Variants in RBFOX1 observed in about 807,000 individuals in gnomAD.
RBFOX1 encodes RNA binding protein fox-1 homolog 1.
A neutral mutation model predicts 57.7 loss-of-function variants in RBFOX1; 8 were observed. The observed-to-expected ratio is 0.14, with a 90% CI of 0.08 to 0.25. The LOEUF (loss-of-function observed/expected upper bound fraction) is 0.25, where lower values mean the gene tolerates loss of function less well. RBFOX1 is among the 10% of genes least tolerant of loss of function. The pLI is 1.00. For synonymous variants in RBFOX1, 326 were observed against 222.4 expected (o/e 1.47, Z -4.15); for missense variants, 611 against 548.5 (o/e 1.11, Z -1.14).
At chr16:7,502,309 C>T (rs1040342341) in intron 4 of RBFOX1, among the ~76,000 whole-genome samples, 3 of 152,338 alleles carry the variant, frequency 2.0e-5, no homozygotes, top group Admixed American at 2.0e-4. Flanking sequence ...GATACATGGA[C>T]AAGCACCTGC....
At chr16:7,486,380 T>G (rs2065400256) in intron 4 of RBFOX1, among the ~76,000 whole-genome samples, 1 of 151,948 alleles carries the variant, frequency 6.6e-6, no homozygotes, top group Admixed American at 6.6e-5. Flanking sequence ...TGATCCACCC[T>G]GTCCCCCGGC....
chr16:5,532,425 G>T lies in RBFOX1; in HGVS notation c.258+65171G>T, dbSNP rs2151037233. Among the ~76,000 whole-genome samples, 5 of 152,320 alleles carry T rather than the reference G, an allele frequency of 3.3e-5. No homozygotes were observed. In the South Asian group the frequency reaches 1.0e-3, roughly 32 times the overall value. Reference sequence around the variant, plus strand: ...AGTTTCTTAGAGATGCAGAATCTCAGGCCCTGACCCGGACTCACTGATCTG... The same window carrying T: ...AGTTTCTTAGAGATGCAGAATCTCATGCCCTGACCCGGACTCACTGATCTG... On this transcript the variant is annotated intron_variant, in intron 2 of 2. Coordinates refer to the RBFOX1 transcript ENST00000585867.
At chr16:6,049,836 T>G (rs1033199491) in intron 1 of RBFOX1, among the ~76,000 whole-genome samples, 3 of 152,152 alleles carry the variant, frequency 2.0e-5, no homozygotes, top group African/African-American at 7.2e-5. Context: ...GTACACTTCC[T>G]ATGATTGATT....
chr16:6,821,926 C>G (rs1005864284), intron 3 of RBFOX1, among the ~76,000 whole-genome samples: 3 of 152,100 alleles, frequency 2.0e-5, no homozygotes, highest in South Asian at 2.1e-4. Flanking sequence ...TGAGGAAACT[C>G]TGTTTTTCAC....
intron 1 of RBFOX1, among the ~76,000 whole-genome samples, chr16:6,128,336 G>C (rs1308468577): frequency 1.3e-5 from 2 of 152,058 alleles, no homozygotes; most frequent in African/African-American, 4.8e-5. Context: ...ATTACTCTAA[G>C]AAGACTTCTG....
chr16:6,827,388 T>A (rs1376890225), intron 3 of RBFOX1, among the ~76,000 whole-genome samples: 2 of 152,102 alleles, frequency 1.3e-5, no homozygotes, highest in East Asian at 3.9e-4. Context: ...GACCCAGCAT[T>A]ATCGCTGGAG....
chr16:7,181,041 C>G (rs1324053763), intron 4 of RBFOX1, among the ~76,000 whole-genome samples: 3 of 152,160 alleles, frequency 2.0e-5, no homozygotes, highest in Admixed American at 6.6e-5. Flanking sequence ...TGTTTTTAAC[C>G]ACAGTCAGCG....
chr16:6,299,639 A>G (rs953488950), intron 1 of RBFOX1, among the ~76,000 whole-genome samples: 3 of 152,202 alleles, frequency 2.0e-5, no homozygotes, highest in Non-Finnish European at 4.4e-5. Flanking sequence ...TATGGTCAGA[A>G]CAAGTCATTC....
At chr16:5,855,014 G>A (rs942269602) in intron 3 of RBFOX1, among the ~76,000 whole-genome samples, 3 of 152,094 alleles carry the variant, frequency 2.0e-5, no homozygotes, top group Admixed American at 6.5e-5. Context: ...TTGCCCATTT[G>A]TACATCTTCT....
At chr16:7,398,643 C>T (rs2098182592) in intron 4 of RBFOX1, among the ~76,000 whole-genome samples, 1 of 152,190 alleles carries the variant, frequency 6.6e-6, no homozygotes, top group South Asian at 2.1e-4. Flanking sequence ...AGGAGACTGC[C>T]AGAGAGGCAA....
intron 1 of RBFOX1, 105 bp from the exon 2 acceptor site, chr16:6,316,890 A>G: frequency 1.3e-6 from 1 of 783,392 alleles, no homozygotes; most frequent in South Asian, 1.8e-5. Flanking sequence ...ATATAGTCAG[A>G]ACCTATTTTG....
intron 1 of RBFOX1, among the ~76,000 whole-genome samples, chr16:5,466,183 G>C (rs2068947808): frequency 6.6e-6 from 1 of 152,254 alleles, no homozygotes; most frequent in Admixed American, 6.5e-5. Context: ...GAAAGAAAGA[G>C]AAGGTGTTCT....
chr16:5,511,821 G>T (rs2043603513), intron 2 of RBFOX1, among the ~76,000 whole-genome samples: 1 of 152,202 alleles, frequency 6.6e-6, no homozygotes, highest in Admixed American at 6.5e-5. Context: ...CAGAATTGCA[G>T]AGTAGGGGAG....
Position 5,981,025 on chromosome 16 carries a change from C to T in RBFOX1, c.351+113690C>T, listed in dbSNP as rs561712674. Among the ~76,000 whole-genome samples the T allele has an allele frequency of 4.6e-5, 7 of 152,296 alleles. No individual in the cohort carries two copies. The South Asian group carries it at 8.3e-4, about 18-fold the overall frequency. On this transcript the variant is annotated intron_variant, in intron 4 of 19. Transcript: ENST00000641259. ...CCTCCCTGGGAGCTCACGGAAAATG[C>T]GCATCAGACTCCACCCCAGGCTACG...
intron 11 of RBFOX1, among the ~76,000 whole-genome samples, chr16:7,637,622 G>C (rs866969401): frequency 1.1e-4 from 16 of 152,232 alleles, no homozygotes; most frequent in Non-Finnish European, 1.6e-4. Flanking sequence ...CAGTGGGCTG[G>C]ACTCAGTTAC....
chr16:7,027,140 G>A (rs1375334632), intron 3 of RBFOX1, among the ~76,000 whole-genome samples: 1 of 152,152 alleles, frequency 6.6e-6, no homozygotes, highest in Non-Finnish European at 1.5e-5. Context: ...AGAGTGCTAA[G>A]AACAGTCTAC....
chr16:6,051,995 C>G (rs1348327590), intron 1 of RBFOX1, among the ~76,000 whole-genome samples: 1 of 152,160 alleles, frequency 6.6e-6, no homozygotes, highest in African/African-American at 2.4e-5. Context: ...ATAAAATGGA[C>G]TTCTAGTCTT....
At chr16:7,238,645 A>G (rs891729881) in intron 4 of RBFOX1, among the ~76,000 whole-genome samples, 1 of 152,048 alleles carries the variant, frequency 6.6e-6, no homozygotes, top group African/African-American at 2.4e-5. Context: ...TTTTTTTGTA[A>G]CTTTTATTTT....
chr16:5,535,392 T>C (rs1471549773), intron 2 of RBFOX1, among the ~76,000 whole-genome samples: 2 of 152,180 alleles, frequency 1.3e-5, no homozygotes, highest in Non-Finnish European at 2.9e-5. Context: ...ACACAAGTTA[T>C]CAGATTCTAA....
Sources: gnomAD v4.1 joint callset for allele counts (sites outside exome capture counted in the v4.1 genomes callset) on GRCh38, gnomAD v4.1.1 for gene constraint, MANE v1.5 for transcripts, NCBI Gene and HGNC (gene_info 2026-07-23, HGNC 2026-07-21) for gene names.